SDHB: variants seen among roughly 807,000 people sequenced by gnomAD.
SDHB encodes the protein succinate dehydrogenase complex iron sulfur subunit B.
SDHB carries 21 observed loss-of-function variants against 39.7 expected under a neutral mutation model. The observed-to-expected ratio is 0.53, with a 90% confidence interval of 0.37 to 0.76. SDHB has a LOEUF of 0.76. Ranked by LOEUF, SDHB falls within the 30% of genes least tolerant of loss-of-function variation. The probability of loss-of-function intolerance (pLI) is 0.00; values close to 1 mark genes in which losing one functional copy is unlikely to be tolerated. For synonymous variants in SDHB, 118 were observed against 117.0 expected, an observed-to-expected ratio of 1.01 and a Z score of -0.06; for missense variants, 343 against 350.9, an observed-to-expected ratio of 0.98 and a Z score of 0.18.
At chr1:17,049,758 G>T (rs919602026) in intron 1 of SDHB, among the ~76,000 whole-genome samples, 1 of 136,066 alleles carries the variant, frequency 7.3e-6, no homozygotes, top group Non-Finnish European at 1.5e-5. Context: ...CAATTCTCCT[G>T]CCTCAGCCTC....
At chr1:17,041,119 G>C (rs1470925297) in intron 2 of SDHB, among the ~76,000 whole-genome samples, 10 of 152,018 alleles carry the variant, frequency 6.6e-5, no homozygotes, top group Admixed American at 5.9e-4. Flanking sequence ...GACAGAGCAA[G>C]ACTCCGTCTC....
chr1:17,044,219 T>C (rs2078096048), intron 2 of SDHB, among the ~76,000 whole-genome samples: 1 of 152,218 alleles, frequency 6.6e-6, no homozygotes, highest in African/African-American at 2.4e-5. Context: ...TTAAATGACT[T>C]TAAATACTGT....
intron 3 of SDHB, among the ~76,000 whole-genome samples, chr1:17,029,843 C>G (rs1429110942): frequency 6.6e-6 from 1 of 152,204 alleles, no homozygotes; most frequent in Non-Finnish European, 1.5e-5. Flanking sequence ...AAGCGATCCT[C>G]CCACCACAGC....
At chr1:17,048,847 A>G (rs1344741178) in intron 1 of SDHB, among the ~76,000 whole-genome samples, 1 of 151,750 alleles carries the variant, frequency 6.6e-6, no homozygotes, top group Non-Finnish European at 1.5e-5. Flanking sequence ...AGTAGCTGGG[A>G]CTACAGGTGC....
intron 3 of SDHB, among the ~76,000 whole-genome samples, chr1:17,031,420 T>A (rs767718253): frequency 2.0e-5 from 3 of 152,170 alleles, no homozygotes; most frequent in Non-Finnish European, 4.4e-5. Flanking sequence ...ACAATTCTGC[T>A]TTATTTTTTT....
At chr1:17,037,064 T>C (rs2078054213) in intron 2 of SDHB, among the ~76,000 whole-genome samples, 1 of 152,102 alleles carries the variant, frequency 6.6e-6, no homozygotes, top group African/African-American at 2.4e-5. Flanking sequence ...TGTGTGTGTA[T>C]ACATAGCTAC....
intron 2 of SDHB, among the ~76,000 whole-genome samples, chr1:17,038,654 T>C (rs1348652149): frequency 6.6e-6 from 1 of 152,214 alleles, no homozygotes; most frequent in Non-Finnish European, 1.5e-5. Context: ...ATGGGGAAAG[T>C]GTTCAATATC....
rs74315366 is a variant in SDHB, at chr1:17,033,078, G to A, written c.268C>T (p.Arg90Ter). The stretch of plus-strand genomic sequence containing the variant: ...TGCTCACCTTCTCTGCATGATCTTC[G>A]GAAGGTCAAAGTAGAGTCAACTTCA... ...KNEVDSTLTF[R>*]RSCREGICGS... Residue 90 changes from arginine (R) to a stop codon, truncating the protein, a stop_gained, in exon 3 of 8, where the codon CGA (arginine) becomes TGA (stop). Coordinates refer to ENST00000375499, the MANE Select transcript of SDHB (RefSeq NM_003000.3). LOFTEE classifies it high-confidence loss of function. The A allele has an allele frequency of 4.3e-6, 7 of 1,613,230 alleles. No homozygotes were observed. The highest frequency in any genetic ancestry group is 1.3e-5 in the African/African-American group (1 of 75,014).
At chr1:17,034,849 T>C (rs1264816440) in intron 2 of SDHB, among the ~76,000 whole-genome samples, 1 of 152,222 alleles carries the variant, frequency 6.6e-6, no homozygotes, top group African/African-American at 2.4e-5. Flanking sequence ...TGAATGTTTG[T>C]CATAAATTTA....
intron 1 of SDHB, among the ~76,000 whole-genome samples, chr1:17,053,417 G>A (rs1007224439): frequency 6.6e-6 from 1 of 151,980 alleles, no homozygotes; most frequent in African/African-American, 2.4e-5. Context: ...TCGAGGTAGG[G>A]GGCTGGGTGC....
chr1:17,031,978 A>G (rs1404633385), intron 3 of SDHB, among the ~76,000 whole-genome samples: 2 of 151,980 alleles, frequency 1.3e-5, no homozygotes, highest in African/African-American at 4.8e-5. Context: ...ACAGTCATCT[A>G]CCTCATGTCC....
chr1:17,032,413 C>T (rs957822255), intron 3 of SDHB: 3 of 153,086 alleles, frequency 2.0e-5, no homozygotes, highest in African/African-American at 7.2e-5. Flanking sequence ...ATCTCGAACT[C>T]CTGACGCCAG....
intron 2 of SDHB, among the ~76,000 whole-genome samples, chr1:17,040,101 C>T (rs1157456375): frequency 1.3e-5 from 2 of 152,088 alleles, no homozygotes; most frequent in Non-Finnish European, 2.9e-5. Flanking sequence ...GAATTCCAGG[C>T]TGACAATTTT....
chr1:17,030,987 CTA>C (rs1204353604), intron 3 of SDHB, among the ~76,000 whole-genome samples: 1 of 144,198 alleles, frequency 6.9e-6, no homozygotes, highest in African/African-American at 2.6e-5. Context: ...GAAAGGGAGT[CTA>C]TGTTTCCCAG....
At chr1:17,019,398 A>G (rs1168329434) in intron 7 of SDHB, among the ~76,000 whole-genome samples, 1 of 152,214 alleles carries the variant, frequency 6.6e-6, no homozygotes, top group African/African-American at 2.4e-5. Context: ...TGTGGAAGAA[A>G]CTACCCTCTC....
At chr1:17,033,664 G>C (rs1302640774) in intron 2 of SDHB, among the ~76,000 whole-genome samples, 1 of 152,228 alleles carries the variant, frequency 6.6e-6, no homozygotes, top group East Asian at 1.9e-4. Context: ...GCATCCCTGG[G>C]CGTGGGACCT....
chr1:17,020,677 A>G (rs1168408491), intron 7 of SDHB, among the ~76,000 whole-genome samples: 5 of 152,232 alleles, frequency 3.3e-5, no homozygotes, highest in African/African-American at 1.2e-4. Flanking sequence ...AAAAAATAAC[A>G]TAAGGTGACA....
At chr1:17,046,192 C>T (rs550249586) in intron 1 of SDHB, among the ~76,000 whole-genome samples, 1 of 152,078 alleles carries the variant, frequency 6.6e-6, no homozygotes, top group Non-Finnish European at 1.5e-5. Flanking sequence ...TGGCTAAAAT[C>T]ATCAACAAAA....
rs528599830 is a variant in SDHB, at chr1:17,028,681, G to A, written c.342C>T (p.Thr114=). 6.2e-7 allele frequency: 1 copy of A among 1,614,134 alleles called. No homozygotes were observed. Among genetic ancestry groups the A allele is most frequent in the Non-Finnish European group, 8.5e-7 (1 of 1,180,016 alleles). The change falls in exon 4 of 8, where the codon ACC becomes ACT. Residue 114 remains threonine, a synonymous_variant. Transcript: ENST00000375499. The part of the protein sequence containing the change: ...NINGGNTLAC[T]RRIDTNLNKV... ...TATTGAGGTTGGTGTCAATCCTTCGGGTGCAAGCTAGAGTGTTGCCTCCAT... is the reference window on the plus strand; with the variant it reads ...TATTGAGGTTGGTGTCAATCCTTCGAGTGCAAGCTAGAGTGTTGCCTCCAT...
Sources: allele counts gnomAD v4.1 joint callset (sites outside exome capture counted in the v4.1 genomes callset), GRCh38; gene constraint gnomAD v4.1.1; transcripts MANE v1.5; gene names NCBI Gene and HGNC (gene_info 2026-07-23, HGNC 2026-07-21).